The following AK9 variants were observed in gnomAD, a reference collection of about 807,000 sequenced individuals.
The protein encoded by AK9 is adenylate kinase domain containing 1.
Under a neutral mutation model 239.6 loss-of-function variants are expected in AK9, and 191 were observed. The ratio of observed to expected loss-of-function variants is 0.80; its 90% CI spans 0.71 to 0.90. AK9 has a LOEUF of 0.90. Ranked by LOEUF, AK9 falls within the 40% of genes least tolerant of loss-of-function variation. The pLI is 0.00. For synonymous variants in AK9, 689 were observed against 721.0 expected (o/e 0.96, Z 0.71); for missense variants, 1,995 against 2,214.7 (o/e 0.90, Z 1.99).
At chr6:109,653,684 T>TC (rs555553429) in intron 8 of AK9, among the ~76,000 whole-genome samples, 16 of 150,224 alleles carry the variant, frequency 1.1e-4, no homozygotes, top group African/African-American at 3.4e-4. Context: ...TTTTTTTTTT[T>TC]TCTCTCTCTT....
chr6:109,524,720 A>G (rs1780255184), intron 29 of AK9, among the ~76,000 whole-genome samples: 1 of 152,218 alleles, frequency 6.6e-6, no homozygotes, highest in Non-Finnish European at 1.5e-5. Context: ...TGACTATTTA[A>G]TATAAACATT....
At chr6:109,547,868 CA>C (rs1554251982) in intron 25 of AK9, among the ~76,000 whole-genome samples, 15 of 137,238 alleles carry the variant, frequency 1.1e-4, no homozygotes, top group Non-Finnish European at 2.3e-4. Context: ...AAAAAAAACC[CA>C]AATATTCTGA....
chr6:109,670,624 C>T (rs1275680974), intron 5 of AK9, among the ~76,000 whole-genome samples: 1 of 151,928 alleles, frequency 6.6e-6, no homozygotes, highest in African/African-American at 2.4e-5. Context: ...TTTGCCAATA[C>T]TTATAATTTA....
rs766690935 is a variant in AK9, at chr6:109,614,341, T to A, written c.1495+44A>T. 1.4e-5 allele frequency: 22 copies of A among 1,548,656 alleles called. No individual in the cohort carries two copies. In the South Asian group the frequency reaches 1.9e-4, roughly 13 times the overall value. On this transcript the variant is annotated intron_variant, in intron 14 of 40. Coordinates refer to ENST00000424296, the MANE Select transcript of AK9 (RefSeq NM_001145128.3). ...TACTTTATCAGCTAATCTATTTATA[T>A]TAGGGATGATTTGGTCAATAACATC...
At chr6:109,638,343 G>A (rs529045021) in intron 10 of AK9, among the ~76,000 whole-genome samples, 3 of 152,032 alleles carry the variant, frequency 2.0e-5, no homozygotes, top group Non-Finnish European at 2.9e-5. Context: ...ATATTGCAGG[G>A]GTCCCAGCAC....
At chr6:109,682,019 A>G (rs899123596) in intron 1 of AK9, among the ~76,000 whole-genome samples, 1 of 152,220 alleles carries the variant, frequency 6.6e-6, no homozygotes, top group Non-Finnish European at 1.5e-5. Flanking sequence ...TAACATCACA[A>G]TTAAAAGAAC....
At chr6:109,615,603 G>T (rs1370804013) in intron 13 of AK9, among the ~76,000 whole-genome samples, 1 of 152,072 alleles carries the variant, frequency 6.6e-6, no homozygotes, top group South Asian at 2.1e-4. Flanking sequence ...TGCAATTTCA[G>T]TGCTGGTCTT....
chr6:109,544,837 C>T (rs1039108544), intron 26 of AK9, among the ~76,000 whole-genome samples: 2 of 152,032 alleles, frequency 1.3e-5, no homozygotes, highest in Non-Finnish European at 2.9e-5. Flanking sequence ...GATTTTTATG[C>T]TATTTGATAG....
chr6:109,636,269 G>A (rs945057903), intron 10 of AK9, among the ~76,000 whole-genome samples: 1 of 151,986 alleles, frequency 6.6e-6, no homozygotes, highest in Non-Finnish European at 1.5e-5. Context: ...TCTTCACCAG[G>A]GAGCTGGAGT....
In AK9 at chr6:109,515,878, G is replaced by A. The variant is rs530655348; in HGVS notation, c.4044C>T (p.Phe1348=). 44 of 1,551,432 alleles carry A rather than the reference G, an allele frequency of 2.8e-5. No individual in the cohort carries two copies. Among genetic ancestry groups the A allele is most frequent in the Middle Eastern group, 1.7e-4 (1 of 5,994 alleles). Residue 1348 remains phenylalanine (F), a synonymous_variant, in exon 31 of 41, where the codon TTC becomes TTT. Coordinates refer to ENST00000424296, the MANE Select transcript of AK9 (RefSeq NM_001145128.3). ...TTACCTTTACAGGGTCCCAATAGCCGAATGAGCTTATATACTTGTAGGTAA... is the reference window on the plus strand; with the variant it reads ...TTACCTTTACAGGGTCCCAATAGCCAAATGAGCTTATATACTTGTAGGTAA... ...LTFTYKYISS[F]GYWDPVKLSE...
chr6:109,529,171 G>A (rs1224889291), intron 28 of AK9, 98 bp from the exon 29 acceptor site: 1 of 1,342,108 alleles, frequency 7.5e-7, no homozygotes, highest in Non-Finnish European at 9.9e-7. Context: ...AATAACGTTT[G>A]GGCAGAAGCA....
Position 109,657,552 on chromosome 6 carries a change from T to TC in AK9, c.631-669_631-668insG, listed in dbSNP as rs1472534698. Reference sequence around the variant, plus strand: ...GAACTGCCACACAAGTTTCTTTCTTTTTTTTTTTTAATTATACTTTAAGTT... The same window carrying TC: ...GAACTGCCACACAAGTTTCTTTCTTTCTTTTTTTTTAATTATACTTTAAGTT... On this transcript the variant is annotated intron_variant, in intron 7 of 40. Transcript: ENST00000424296. Among the ~76,000 whole-genome samples, 33 of 150,464 alleles carry TC rather than the reference T, an allele frequency of 2.2e-4. No individual in the cohort carries two copies. The Admixed American group carries it at 2.2e-3, about 10-fold the overall frequency.
In AK9 at chr6:109,493,341, A is replaced by G; in HGVS notation, c.*28T>C. ...CTCTATCACTTTCAGATAACTCTTG[A>G]GATTCAGGCTGCTATCACCTAAGTA... On this transcript the variant is annotated 3_prime_UTR_variant, in exon 41 of 41. Coordinates refer to ENST00000424296, the MANE Select transcript of AK9 (RefSeq NM_001145128.3). 1 of 1,591,602 alleles carries G rather than the reference A, an allele frequency of 6.3e-7. No individual in the cohort carries two copies. The highest frequency in any genetic ancestry group is 8.6e-7 in the Non-Finnish European group (1 of 1,161,926).
intron 29 of AK9, among the ~76,000 whole-genome samples, chr6:109,525,564 A>AATGTC (rs1273385848): frequency 6.6e-6 from 1 of 152,238 alleles, no homozygotes; most frequent in Admixed American, 6.5e-5. Context: ...AAAAATGCTC[A>AATGTC]ATGTCACTAC....
At chr6:109,649,714 C>T (rs1414307525) in intron 8 of AK9, among the ~76,000 whole-genome samples, 1 of 152,146 alleles carries the variant, frequency 6.6e-6, no homozygotes, top group Non-Finnish European at 1.5e-5. Flanking sequence ...TGACTTTCTT[C>T]ACAGAATTGG....
intron 17 of AK9, among the ~76,000 whole-genome samples, chr6:109,602,900 C>T (rs1047192284): frequency 8.5e-5 from 13 of 152,174 alleles, no homozygotes; most frequent in Admixed American, 4.6e-4. Flanking sequence ...ACGTAGTTCT[C>T]GTGCCATGGT....
intron 15 of AK9, among the ~76,000 whole-genome samples, chr6:109,613,398 A>T (rs997439438): frequency 6.6e-6 from 1 of 152,024 alleles, no homozygotes; most frequent in Admixed American, 6.6e-5. Context: ...TGGTTAACAA[A>T]TATGAATATA....
At chr6:109,500,843 C>T (rs886699679) in intron 35 of AK9, among the ~76,000 whole-genome samples, 1 of 152,040 alleles carries the variant, frequency 6.6e-6, no homozygotes, top group Non-Finnish European at 1.5e-5. Flanking sequence ...CATGGCGAGA[C>T]CCTGTCTCTA....
chr6:109,529,144 T>C, intron 28 of AK9, 71 bp from the exon 29 acceptor site: 3 of 1,450,540 alleles, frequency 2.1e-6, no homozygotes, highest in Non-Finnish European at 2.7e-6. Flanking sequence ...TATTCATATA[T>C]TTTTATATAA....
Sources: gnomAD v4.1 joint callset for allele counts (sites outside exome capture counted in the v4.1 genomes callset) on GRCh38, gnomAD v4.1.1 for gene constraint, MANE v1.5 for transcripts, NCBI Gene and HGNC (gene_info 2026-07-23, HGNC 2026-07-21) for gene names.